The following ABCA12 variants were observed in gnomAD, a reference collection of about 807,000 sequenced individuals.
ABCA12 encodes ATP binding cassette subfamily A member 12.
In ABCA12, 156 loss-of-function variants were observed where a neutral mutation model predicts 293.5. That is an observed-to-expected ratio of 0.53 (90% CI 0.47 to 0.61). ABCA12 has a LOEUF of 0.61. ABCA12 is among the 20% of genes least tolerant of loss of function. ABCA12 has a pLI of 0.00. For synonymous variants in ABCA12, 1,063 were observed against 1,108.0 expected (o/e 0.96, Z 0.81); for missense variants, 2,797 against 3,090.2 (o/e 0.91, Z 2.25).
chr2:215,043,705 T>C (rs1417482342), intron 7 of ABCA12, among the ~76,000 whole-genome samples: 2 of 152,126 alleles, frequency 1.3e-5, no homozygotes, highest in Admixed American at 6.5e-5. Context: ...ATCATTTTAA[T>C]TGTATAAACT....
intron 37 of ABCA12, among the ~76,000 whole-genome samples, chr2:214,969,730 T>G (rs1699344704): frequency 6.6e-6 from 1 of 152,074 alleles, no homozygotes; most frequent in Admixed American, 6.6e-5. Flanking sequence ...ACAATGAATA[T>G]TAATCATGGA....
At chr2:215,090,778 T>C (rs1171937613) in intron 2 of ABCA12, among the ~76,000 whole-genome samples, 1 of 152,172 alleles carries the variant, frequency 6.6e-6, no homozygotes, top group African/African-American at 2.4e-5. Flanking sequence ...TCCATGTCTC[T>C]ACCCTCTTTT....
At chr2:215,094,367 CG>C (rs1702207618) in intron 2 of ABCA12, among the ~76,000 whole-genome samples, 1 of 152,122 alleles carries the variant, frequency 6.6e-6, no homozygotes, top group East Asian at 1.9e-4. Context: ...AAGCAGCTAG[CG>C]TTCCAACTTC....
intron 7 of ABCA12, among the ~76,000 whole-genome samples, chr2:215,038,156 A>C (rs1005106945): frequency 1.3e-5 from 2 of 152,178 alleles, no homozygotes; most frequent in Non-Finnish European, 2.9e-5. Context: ...TCCTAGTATA[A>C]AATAAGGATA....
At chr2:215,025,264 T>TA (rs900892447) in intron 11 of ABCA12, 45 of 165,616 alleles carry the variant, frequency 2.7e-4, no homozygotes, top group Middle Eastern at 3.0e-3. Flanking sequence ...CTCCACTGAT[T>TA]AAAAAAAAAT....
intron 29 of ABCA12, among the ~76,000 whole-genome samples, chr2:214,983,032 C>T (rs1699703552): frequency 6.6e-6 from 1 of 151,958 alleles, no homozygotes; most frequent in Non-Finnish European, 1.5e-5. Flanking sequence ...GGGGTAGGTG[C>T]TGTAAGTAGA....
Position 214,975,832 on chromosome 2 carries a change from C to G in ABCA12, c.5334G>C (p.Gln1778His), listed in dbSNP as rs983549214. 6.2e-7 allele frequency: 1 copy of G among 1,614,092 alleles called. No homozygotes were observed. Among genetic ancestry groups the G allele is most frequent in the Non-Finnish European group, 8.5e-7 (1 of 1,179,986 alleles). ...RNSSNSYPEI[Q>H]ISPSLYGTSE... is the part of the protein sequence containing the mutation. ...AGGTACCATAAAGAGAGGGGGAGAT[C>G]TGAATCTCTGGATAACTGTTGCTGG... Residue 1778 changes from glutamine (Q) to histidine (H), a missense_variant, in exon 34 of 53, where the codon CAG (glutamine) becomes CAC (histidine). Gln to His is a conservative substitution (Grantham distance 24, BLOSUM62 0). This residue lies in a region of ABCA12 where 2,130 missense variants were observed against 2,427.0 expected (regional missense o/e 0.88). Transcript: ENST00000272895.
chr2:215,094,115 G>GTCAA (rs946791693), intron 2 of ABCA12, among the ~76,000 whole-genome samples: 5 of 152,186 alleles, frequency 3.3e-5, no homozygotes, highest in African/African-American at 9.7e-5. Flanking sequence ...AGGACTGCGT[G>GTCAA]TCAATATTTA....
intron 2 of ABCA12, among the ~76,000 whole-genome samples, chr2:215,073,157 AG>A (rs1300440147): frequency 6.6e-6 from 1 of 152,172 alleles, no homozygotes; most frequent in Non-Finnish European, 1.5e-5. Flanking sequence ...ATCTGGGGTG[AG>A]TAGGGTTTAT....
chr2:215,061,878 C>G (rs2106070541), intron 3 of ABCA12, among the ~76,000 whole-genome samples: 1 of 152,106 alleles, frequency 6.6e-6, no homozygotes, highest in East Asian at 1.9e-4. Flanking sequence ...ATTTGGTTGT[C>G]TATAATATTA....
chr2:215,062,846 C>T (rs1471559557), intron 3 of ABCA12, among the ~76,000 whole-genome samples: 1 of 152,056 alleles, frequency 6.6e-6, no homozygotes, highest in African/African-American at 2.4e-5. Context: ...TATTTTCTCA[C>T]TAGCACACTC....
chr2:215,017,982 G>C, intron 14 of ABCA12, 26 bp downstream of exon 14: 1 of 1,613,904 alleles, frequency 6.2e-7, no homozygotes, highest in Non-Finnish European at 8.5e-7. Context: ...AGAACTGCAT[G>C]TAAGTACAAA....
At chr2:215,016,047 G>A (rs1700489848) in intron 14 of ABCA12, among the ~76,000 whole-genome samples, 1 of 151,834 alleles carries the variant, frequency 6.6e-6, no homozygotes, top group East Asian at 2.0e-4. Flanking sequence ...GGGAGGCGGA[G>A]GCAGGAGAAT....
chr2:215,052,526 A>G lies in ABCA12; in HGVS notation c.468T>C (p.Asn156=), dbSNP rs1701339793. 1.9e-6 allele frequency: 3 copies of G among 1,612,630 alleles called. No homozygotes were observed. The highest frequency in any genetic ancestry group is 1.3e-5 in the African/African-American group (1 of 74,842). The change falls in exon 5 of 53, where the codon AAT becomes AAC. Residue 156 remains asparagine (N), a synonymous_variant. Coordinates refer to ENST00000272895, the MANE Select transcript of ABCA12 (RefSeq NM_173076.3). The part of the protein sequence containing the change: ...DLEIPGTYTF[N]GSQVLARILG... ...GAATTCGTGCGAGCACTTGACTGCCATTGAAAGTATATGTTCCGGGGATTT... is the reference window on the plus strand; with the variant it reads ...GAATTCGTGCGAGCACTTGACTGCCGTTGAAAGTATATGTTCCGGGGATTT...
Position 215,074,082 on chromosome 2 carries a change from G to GT in ABCA12, c.164-9864dup, listed in dbSNP as rs368030753. Among the ~76,000 whole-genome samples the GT allele has an allele frequency of 3.1e-3, 475 of 152,104 alleles. 2 individuals are homozygous for GT. The highest frequency in any genetic ancestry group is 0.011 in the African/African-American group (442 of 41,482). ...TTTCCTTCTTTAAATTTTTCTCCCT[G>GT]TTTTTTAGGGTAGCATTGGATAATA... On this transcript the variant is annotated intron_variant, in intron 2 of 52. Transcript: ENST00000272895.
intron 2 of ABCA12, among the ~76,000 whole-genome samples, chr2:215,085,872 T>A (rs560866296): frequency 1.3e-5 from 2 of 152,176 alleles, no homozygotes; most frequent in African/African-American, 4.8e-5. Context: ...AAGAGTCAAA[T>A]AATGTTATGT....
chr2:214,985,771 C>T lies in ABCA12; in HGVS notation c.4163+771G>A, dbSNP rs1699771984. 3.9e-5 allele frequency among the ~76,000 whole-genome samples: 6 copies of T among 152,196 alleles called. No homozygotes were observed. In the South Asian group the frequency reaches 1.2e-3, roughly 31 times the overall value. The stretch of plus-strand genomic sequence containing the variant: ...CTAAGTAAGATATGCAGCAACTGAT[C>T]CTTTTTCTCAAACAAGGGCTCGAGC... On this transcript the variant is annotated intron_variant, in intron 28 of 52. Transcript: ENST00000272895.
At chr2:215,032,284 ATTTTT>A (rs5838481) in intron 8 of ABCA12, 29 of 176,882 alleles carry the variant, frequency 1.6e-4, no homozygotes, top group South Asian at 6.6e-4. Context: ...GGGTCACTGG[ATTTTT>A]TTTTTTTTTT....
intron 2 of ABCA12, among the ~76,000 whole-genome samples, chr2:215,075,137 A>C (rs1701810451): frequency 6.6e-6 from 1 of 152,000 alleles, no homozygotes; most frequent in African/African-American, 2.4e-5. Flanking sequence ...TCCAGTGGCT[A>C]ATCCTTAGCA....
Sources: allele counts gnomAD v4.1 joint callset (sites outside exome capture counted in the v4.1 genomes callset), GRCh38; gene constraint gnomAD v4.1.1; regional missense constraint gnomAD v4.1.1; transcripts MANE v1.5; gene names NCBI Gene and HGNC (gene_info 2026-07-23, HGNC 2026-07-21).